KCNK2: variants seen among roughly 807,000 people sequenced by gnomAD.
KCNK2 encodes potassium channel subfamily K member 2.
In KCNK2, 21 loss-of-function variants were observed where a neutral mutation model predicts 40.5. The observed-to-expected ratio is 0.52, with a 90% CI of 0.37 to 0.75. The LOEUF (loss-of-function observed/expected upper bound fraction) is 0.75. Among genes scored for constraint, KCNK2 ranks in the 30% least tolerant of loss-of-function variants. The pLI, the probability that KCNK2 is intolerant of heterozygous loss-of-function variation, is 0.00. For synonymous variants in KCNK2, 191 were observed against 202.2 expected (o/e 0.94, Z 0.47); for missense variants, 399 against 531.6 (o/e 0.75, Z 2.45).
At chr1:215,214,354 G>A (rs1048744000) in intron 6 of KCNK2, among the ~76,000 whole-genome samples, 2 of 152,032 alleles carry the variant, frequency 1.3e-5, no homozygotes, top group African/African-American at 4.8e-5. Flanking sequence ...GAACAGTAAG[G>A]GTGAAATCTG....
chr1:215,232,958 T>G (rs981835674), intron 6 of KCNK2, among the ~76,000 whole-genome samples: 2 of 152,228 alleles, frequency 1.3e-5, no homozygotes, highest in African/African-American at 4.8e-5. Flanking sequence ...GCATGAAATT[T>G]GTAGGAGCCA....
chr1:215,122,927 G>C (rs563859798), intron 2 of KCNK2, among the ~76,000 whole-genome samples: 10 of 151,636 alleles, frequency 6.6e-5, no homozygotes, highest in African/African-American at 2.4e-4. Flanking sequence ...TGTATTTTTA[G>C]TAGAGATGGG....
At chr1:215,087,858 C>G (rs915761001) in intron 2 of KCNK2, among the ~76,000 whole-genome samples, 1 of 152,178 alleles carries the variant, frequency 6.6e-6, no homozygotes, top group African/African-American at 2.4e-5. Context: ...TCATAGTCCT[C>G]TCAATTTACA....
At chr1:215,209,487 AC>A (rs530766847) in intron 6 of KCNK2, among the ~76,000 whole-genome samples, 1 of 1,256 alleles carries the variant, frequency 8.0e-4, no homozygotes, top group African/African-American at 1.5e-3. Context: ...TATATATAAT[AC>A]ATATATATAA....
intron 3 of KCNK2, among the ~76,000 whole-genome samples, chr1:215,156,353 T>C (rs1369134488): frequency 6.6e-6 from 1 of 152,174 alleles, no homozygotes; most frequent in African/African-American, 2.4e-5. Flanking sequence ...TAGCTGTCCA[T>C]GAAGGCCTTC....
At chr1:215,099,633 G>A (rs188245518) in intron 2 of KCNK2, among the ~76,000 whole-genome samples, 147 of 152,060 alleles carry the variant, frequency 9.7e-4, no homozygotes, top group African/African-American at 3.4e-3. Context: ...AGTGGTACAT[G>A]TCAGGACAGA....
chr1:215,228,860 T>A (rs1666503648), intron 6 of KCNK2, among the ~76,000 whole-genome samples: 1 of 152,196 alleles, frequency 6.6e-6, no homozygotes, highest in Non-Finnish European at 1.5e-5. Context: ...ATCTTTAGAG[T>A]TTGAGTAGAC....
intron 1 of KCNK2, among the ~76,000 whole-genome samples, chr1:215,084,613 T>C (rs933756581): frequency 1.3e-5 from 2 of 152,342 alleles, no homozygotes; most frequent in East Asian, 1.9e-4. Context: ...TTTTTAATTA[T>C]AGCATTAAAC....
intron 5 of KCNK2, among the ~76,000 whole-genome samples, chr1:215,194,700 A>G (rs1664793121): frequency 6.6e-6 from 1 of 152,228 alleles, no homozygotes; most frequent in Non-Finnish European, 1.5e-5. Flanking sequence ...AACATGGAGC[A>G]AGGAAAAATC....
At chr1:215,022,143 C>CATCTATCTAATCATCTATT (rs1656827094) in intron 1 of KCNK2, among the ~76,000 whole-genome samples, 1 of 152,058 alleles carries the variant, frequency 6.6e-6, no homozygotes. Context: ...ATCTATCTAT[C>CATCTATCTAATCATCTATT]TAATCCATCT....
chr1:215,205,157 A>G (rs574363503), intron 6 of KCNK2, among the ~76,000 whole-genome samples: 1 of 152,268 alleles, frequency 6.6e-6, no homozygotes, highest in South Asian at 2.1e-4. Context: ...TAGGATTGTT[A>G]CTTCCTCTTC....
intron 3 of KCNK2, among the ~76,000 whole-genome samples, chr1:215,164,237 T>G (rs979411523): frequency 6.6e-6 from 1 of 152,182 alleles, no homozygotes; most frequent in Non-Finnish European, 1.5e-5. Flanking sequence ...CTGATGGTAG[T>G]TTGTGTTTCT....
At chr1:215,131,009 C>T (rs1369649079) in intron 3 of KCNK2, among the ~76,000 whole-genome samples, 3 of 151,134 alleles carry the variant, frequency 2.0e-5, no homozygotes, top group Admixed American at 1.3e-4. Flanking sequence ...TACAGGCGCC[C>T]GCCACTGCGC....
chr1:215,135,664 C>T (rs2102594618), intron 3 of KCNK2, among the ~76,000 whole-genome samples: 1 of 152,006 alleles, frequency 6.6e-6, no homozygotes, highest in African/African-American at 2.4e-5. Context: ...TCACACTTGA[C>T]TATTTCTTCA....
At chr1:215,047,152 G>A (rs866849378) in intron 1 of KCNK2, among the ~76,000 whole-genome samples, 35 of 152,026 alleles carry the variant, frequency 2.3e-4, no homozygotes, top group African/African-American at 8.4e-4. Flanking sequence ...ACGATTTAAT[G>A]TTCTCCTTGA....
At chr1:215,029,925 TAAG>T (rs759856692) in intron 1 of KCNK2, among the ~76,000 whole-genome samples, 92 of 152,262 alleles carry the variant, frequency 6.0e-4, no homozygotes, top group Non-Finnish European at 1.1e-3. Flanking sequence ...CTTTGGATAA[TAAG>T]AAGGAGCACA....
intron 3 of KCNK2, among the ~76,000 whole-genome samples, chr1:215,130,360 A>G (rs1292390505): frequency 6.6e-6 from 1 of 152,228 alleles, no homozygotes; most frequent in Non-Finnish European, 1.5e-5. Context: ...ACCCAAATGC[A>G]TCTCTTCCAT....
chr1:215,017,387 C>T (rs967576735), intron 1 of KCNK2, among the ~76,000 whole-genome samples: 3 of 151,978 alleles, frequency 2.0e-5, no homozygotes, highest in African/African-American at 7.2e-5. Flanking sequence ...GGTATATGAA[C>T]AATAGAATAC....
chr1:215,214,857 C>T (rs1482059611), intron 6 of KCNK2, among the ~76,000 whole-genome samples: 1 of 149,756 alleles, frequency 6.7e-6, no homozygotes, highest in Non-Finnish European at 1.5e-5. Context: ...AACCAAAAAC[C>T]AAAAAAAAAT....
Sources: gnomAD v4.1 joint callset for allele counts (sites outside exome capture counted in the v4.1 genomes callset) on GRCh38, gnomAD v4.1.1 for gene constraint, MANE v1.5 for transcripts, NCBI Gene and HGNC (gene_info 2026-07-23, HGNC 2026-07-21) for gene names.